BTN1A1: variants seen among roughly 807,000 people sequenced by gnomAD.
The protein encoded by BTN1A1 is bK14H9.2 (butyrophilin, subfamily 1, member A1).
In BTN1A1, 26 loss-of-function variants were observed where a neutral mutation model predicts 33.1. The observed-to-expected ratio is 0.79, with a 90% CI of 0.58 to 1.09. The LOEUF (loss-of-function observed/expected upper bound fraction) is 1.09. Among genes scored for constraint, BTN1A1 ranks in the 50% least tolerant of loss-of-function variants. The pLI is 0.00. For synonymous variants in BTN1A1, 235 were observed against 256.2 expected, an observed-to-expected ratio of 0.92 and a Z score of 0.79; for missense variants, 558 against 655.7, an observed-to-expected ratio of 0.85 and a Z score of 1.63.
intron 4 of BTN1A1, 146 bp downstream of exon 4, chr6:26,505,352 C>T (rs1450580301): frequency 1.4e-6 from 1 of 733,390 alleles, no homozygotes; most frequent in East Asian, 2.6e-5. Flanking sequence ...GGGAACCCCA[C>T]CAACTTTATT....
chr6:26,506,670 G>T lies in BTN1A1; in HGVS notation c.710-13G>T. 1 of 1,612,940 alleles carries T rather than the reference G, an allele frequency of 6.2e-7. No homozygotes were observed. The highest frequency in any genetic ancestry group is 1.1e-5 in the South Asian group (1 of 90,962). On this transcript the variant is annotated splice_polypyrimidine_tract_variant and intron_variant, in intron 4 of 7. Coordinates refer to ENST00000684113, the MANE Select transcript of BTN1A1 (RefSeq NM_001732.3). The stretch of plus-strand genomic sequence containing the variant: ...TTTCTCAACTAATGTCCTTCTTGGG[G>T]ATTTTGTTTTAGCTTCCTCCCTCCC...
chr6:26,501,853 A>C lies in BTN1A1; in HGVS notation c.343A>C (p.Arg115=). 1 of 1,610,756 alleles carries C rather than the reference A, an allele frequency of 6.2e-7. No homozygotes were observed. The highest frequency in any genetic ancestry group is 2.2e-5 in the East Asian group (1 of 44,788). The stretch of plus-strand genomic sequence containing the variant: ...CGTGGCCTTGAGGATCCGTGGCGTC[A>C]GAGTCTCTGACGACGGGGAGTACAC... ...GRVALRIRGV[R]VSDDGEYTCF... Residue 115 remains arginine (R), a synonymous_variant, in exon 3 of 8, where the codon AGA becomes CGA. Transcript: ENST00000684113. This position sits in a 1 kb window ranked among gnomAD's most constrained non-coding sequence, Gnocchi z 5.2.
chr6:26,501,318 G>T lies in BTN1A1; in HGVS notation c.32G>T (p.Arg11Ile). 1.2e-6 allele frequency: 2 copies of T among 1,614,168 alleles called. No individual in the cohort carries two copies. Among genetic ancestry groups the T allele is most frequent in the Admixed American group, 1.7e-5 (1 of 60,020 alleles). Reference protein sequence around the residue: MAVFPSSGLPRCLLTLILLQL... With the variant: MAVFPSSGLPICLLTLILLQL... ...GTTTTCCCAAGCTCCGGTCTCCCCAGATGTCTGCTCACCCTCATTCTCCTC... is the reference window on the plus strand; with the variant it reads ...GTTTTCCCAAGCTCCGGTCTCCCCATATGTCTGCTCACCCTCATTCTCCTC... Residue 11 changes from arginine (R) to isoleucine (I), a missense_variant, in exon 2 of 8, where the codon AGA (arginine) becomes ATA (isoleucine). Arg to Ile is a moderately conservative substitution (Grantham distance 97). Transcript: ENST00000684113. This position sits in a 1 kb window ranked among gnomAD's most constrained non-coding sequence, Gnocchi z 5.2.
At position 26,501,160 on chromosome 6, in the gene BTN1A1, T is replaced by C; in HGVS notation, c.-57-70T>C. 1 of 779,236 alleles carries C rather than the reference T, an allele frequency of 1.3e-6. No individual in the cohort carries two copies. Among genetic ancestry groups the C allele is most frequent in the Non-Finnish European group, 2.2e-6 (1 of 445,004 alleles). 48.3% of individuals were successfully genotyped at this position (779,236 alleles called of 1,614,324 possible). ...CAGAACACTTGCAGCTGGAAAGAACTGTAGAGAGGACTTTGGAAAGCGGAG... is the reference window on the plus strand; with the variant it reads ...CAGAACACTTGCAGCTGGAAAGAACCGTAGAGAGGACTTTGGAAAGCGGAG... On this transcript the variant is annotated intron_variant, in intron 1 of 7. Transcript: ENST00000684113. The surrounding 1 kb of genome is among the most constrained non-coding windows in gnomAD (Gnocchi z 5.2).
intron 4 of BTN1A1, among the ~76,000 whole-genome samples, chr6:26,505,697 A>G (rs1763860176): frequency 6.9e-6 from 1 of 145,838 alleles, no homozygotes; most frequent in Admixed American, 6.8e-5. Context: ...AAGTGCTGGG[A>G]TTATAGGTGT....
At position 26,505,172 on chromosome 6, in the gene BTN1A1, T is replaced by C; in HGVS notation, c.675T>C (p.Leu225=). 6.2e-7 allele frequency: 1 copy of C among 1,613,892 alleles called. No homozygotes were observed. Among genetic ancestry groups the C allele is most frequent in the Non-Finnish European group, 8.5e-7 (1 of 1,179,814 alleles). ...CCTGCTACATCCAGAATCTCCTTCT[T>C]GGCCAGGAGAAGAAAGTAGAAATAT... The part of the protein sequence containing the change: ...NVSCYIQNLL[L]GQEKKVEISI... Residue 225 remains leucine (L), a synonymous_variant, in exon 4 of 8, where the codon CTT becomes CTC. Coordinates refer to ENST00000684113, the MANE Select transcript of BTN1A1 (RefSeq NM_001732.3).
Position 26,506,840 on chromosome 6 carries a change from A to G in BTN1A1, c.859+8A>G. On this transcript the variant is annotated splice_region_variant and intron_variant, in intron 5 of 7. Transcript: ENST00000684113. ...ATGAATTCAGCTCTAAAGGTAAACC[A>G]TAGAATCCACAAGGGCTACGTGTCA... The G allele has an allele frequency of 6.2e-7, 1 of 1,613,976 alleles. No individual in the cohort carries two copies. The highest frequency in any genetic ancestry group is 8.5e-7 in the Non-Finnish European group (1 of 1,179,896).
Position 26,501,583 on chromosome 6 carries a change from T to TC in BTN1A1, c.80-6dup, listed in dbSNP as rs758855526. ...CATCCCGTCTGATCCCGCTCGTTTT[T>TC]CGGCAGCTCCCTTTGACGTGATTGG... On this transcript the variant is annotated splice_region_variant and splice_polypyrimidine_tract_variant and intron_variant, in intron 2 of 7. Transcript: ENST00000684113. The surrounding 1 kb of genome is among the most constrained non-coding windows in gnomAD (Gnocchi z 5.2). 5 of 1,612,126 alleles carry TC rather than the reference T, an allele frequency of 3.1e-6. No individual in the cohort carries two copies. Among genetic ancestry groups the TC allele is most frequent in the Non-Finnish European group, 4.2e-6 (5 of 1,178,652 alleles).
At position 26,509,666 on chromosome 6, in the gene BTN1A1, ACAT is replaced by A; in HGVS notation, c.*493_*495del. ...GGAGGGAAGTGAGGTGAATCCAGGC[ACAT>A]GATGAACACCTGGCTCATCCATAGA... On this transcript the variant is annotated 3_prime_UTR_variant, in exon 8 of 8. Transcript: ENST00000684113. 1.9e-5 allele frequency: 3 copies of A among 157,760 alleles called. No homozygotes were observed. Among genetic ancestry groups the A allele is most frequent in the Non-Finnish European group, 4.2e-5 (3 of 71,564 alleles). 9.8% of individuals were successfully genotyped at this position (157,760 alleles called of 1,614,324 possible). A position where few individuals can be genotyped will look rare whatever the true frequency, so the allele number is the denominator to read the frequency against.
chr6:26,500,591 T>C (rs1191185754), intron 1 of BTN1A1, among the ~76,000 whole-genome samples: 1 of 152,140 alleles, frequency 6.6e-6, no homozygotes, highest in Admixed American at 6.5e-5. Context: ...TTATTATCAT[T>C]GCCAAAAGCA....
In BTN1A1 at chr6:26,508,535, C is replaced by A; in HGVS notation, c.942C>A (p.Pro314=). 6.2e-7 allele frequency: 1 copy of A among 1,613,972 alleles called. No individual in the cohort carries two copies. The highest frequency in any genetic ancestry group is 1.1e-5 in the South Asian group (1 of 91,058). The change falls in exon 8 of 8, where the codon CCC becomes CCA. Residue 314 remains proline (P), a synonymous_variant. Transcript: ENST00000684113. ...DVTLDPDTAH[P]HLFLYEDSKS... The stretch of plus-strand genomic sequence containing the variant: ...CTCTGGACCCAGACACAGCTCATCC[C>A]CACCTCTTTCTTTATGAGGATTCAA...
chr6:26,509,114 G>T lies in BTN1A1; in HGVS notation c.1521G>T (p.Arg507Ser). Residue 507 changes from arginine (R) to serine (S), a missense_variant, in exon 8 of 8, where the codon AGG becomes AGT. By Grantham distance (110) the Arg-to-Ser change is moderately radical. Coordinates refer to ENST00000684113, the MANE Select transcript of BTN1A1 (RefSeq NM_001732.3). ...CCATGGGGGAGGACTCTGCCCCTAG[G>T]GATGCAGACACTCTCCATTCTAAGC... ...LSPMGEDSAP[R>S]DADTLHSKLI... The T allele has an allele frequency of 6.2e-7, 1 of 1,613,976 alleles. No homozygotes were observed. Among genetic ancestry groups the T allele is most frequent in the Middle Eastern group, 1.7e-4 (1 of 6,050 alleles).
chr6:26,508,640 C>T lies in BTN1A1; in HGVS notation c.1047C>T (p.Gly349=), dbSNP rs761702210. 2.5e-5 allele frequency: 40 copies of T among 1,614,022 alleles called. 2 individuals are homozygous for T. The Middle Eastern group carries it at 9.9e-4, about 40-fold the overall frequency. The change falls in exon 8 of 8, where the codon GGC becomes GGT. Residue 349 remains glycine, a synonymous_variant. Coordinates refer to ENST00000684113, the MANE Select transcript of BTN1A1 (RefSeq NM_001732.3). ...TTGACTCCTGGCCCTGTGTGTTGGG[C>T]CGTGAGACCTTCACCTCAGGAAGGC... The part of the protein sequence containing the change: ...ERFDSWPCVL[G]RETFTSGRHY...
rs745738282 is a variant in BTN1A1, at chr6:26,509,184, C to G, written c.*10C>G. 9 of 1,595,008 alleles carry G rather than the reference C, an allele frequency of 5.6e-6. No homozygotes were observed. In the Admixed American group the frequency reaches 1.0e-4, roughly 18 times the overall value. ...CCAAGGGGCACCTTAAGGAATATCTCAGCTCATCTGTTTTCCTTTCCTCTA... is the reference window on the plus strand; with the variant it reads ...CCAAGGGGCACCTTAAGGAATATCTGAGCTCATCTGTTTTCCTTTCCTCTA... On this transcript the variant is annotated 3_prime_UTR_variant, in exon 8 of 8. Transcript: ENST00000684113.
chr6:26,509,042 A>G lies in BTN1A1; in HGVS notation c.1449A>G (p.Thr483=), dbSNP rs1561885796. 6.2e-7 allele frequency: 1 copy of G among 1,614,092 alleles called. No homozygotes were observed. Among genetic ancestry groups the G allele is most frequent in the African/African-American group, 1.3e-5 (1 of 74,938 alleles). ...CPIADGPERV[T]VIANAQDLSK... is the part of the protein sequence containing the mutation. Reference sequence around the variant, plus strand: ...TTGCTGATGGGCCTGAGAGGGTCACAGTCATTGCTAATGCCCAGGACCTTT... The same window carrying G: ...TTGCTGATGGGCCTGAGAGGGTCACGGTCATTGCTAATGCCCAGGACCTTT... Residue 483 remains threonine (T), a synonymous_variant, in exon 8 of 8, where the codon ACA becomes ACG. Coordinates refer to ENST00000684113, the MANE Select transcript of BTN1A1 (RefSeq NM_001732.3).
rs1379916776 is a variant in BTN1A1, at chr6:26,508,073, C to T, written c.893C>T (p.Ala298Val). 5 of 1,612,378 alleles carry T rather than the reference C, an allele frequency of 3.1e-6. No homozygotes were observed. The African/African-American group carries it at 5.4e-5, about 17-fold the overall frequency. Residue 298 changes from alanine to valine, a missense_variant, in exon 7 of 8, where the codon GCT becomes GTT. By Grantham distance (64) the Ala-to-Val change is moderately conservative (BLOSUM62 0). Coordinates refer to ENST00000684113, the MANE Select transcript of BTN1A1 (RefSeq NM_001732.3). ...RLLEELKWKK[A>V]TLHAVDVTLD... ...TCTTTTGTTGCAGAATGGAAAAAGGCTACCTTGCATGCAGGTCAGTGGCTC... is the reference window on the plus strand; with the variant it reads ...TCTTTTGTTGCAGAATGGAAAAAGGTTACCTTGCATGCAGGTCAGTGGCTC...
At position 26,501,746 on chromosome 6, in the gene BTN1A1, A is replaced by G. The variant is rs1350942277; in HGVS notation, c.236A>G (p.Asp79Gly). 1.2e-6 allele frequency: 2 copies of G among 1,613,612 alleles called. No homozygotes were observed. The highest frequency in any genetic ancestry group is 1.7e-6 in the Non-Finnish European group (2 of 1,179,974). Residue 79 changes from aspartate (D) to glycine (G), a missense_variant, in exon 3 of 8, where the codon GAC (aspartate) becomes GGC (glycine). Physicochemically the swap from Asp to Gly is moderately conservative, Grantham distance 94. Coordinates refer to ENST00000684113, the MANE Select transcript of BTN1A1 (RefSeq NM_001732.3). The surrounding 1 kb of genome is among the most constrained non-coding windows in gnomAD (Gnocchi z 5.2). ...KVSPAVLVHR[D>G]GREQEAEQMP... The stretch of plus-strand genomic sequence containing the variant: ...TCGCCGGCCGTGCTGGTGCATAGGG[A>G]CGGGCGCGAGCAGGAAGCCGAGCAG...
intron 4 of BTN1A1, among the ~76,000 whole-genome samples, chr6:26,505,613 G>A (rs1763859428): frequency 1.3e-5 from 2 of 152,014 alleles, no homozygotes; most frequent in African/African-American, 4.8e-5. Flanking sequence ...TTTAGCGAAG[G>A]CAGGGTTTCA....
In BTN1A1 at chr6:26,501,325, G is replaced by C; in HGVS notation, c.39G>C (p.Leu13=). ...CAAGCTCCGGTCTCCCCAGATGTCT[G>C]CTCACCCTCATTCTCCTCCAGCTGC... ...VFPSSGLPRC[L]LTLILLQLPK... The change falls in exon 2 of 8, where the codon CTG becomes CTC. Residue 13 remains leucine (L), a synonymous_variant. Transcript: ENST00000684113. The surrounding 1 kb of genome is among the most constrained non-coding windows in gnomAD (Gnocchi z 5.2). 1 of 1,614,126 alleles carries C rather than the reference G, an allele frequency of 6.2e-7. No individual in the cohort carries two copies.
Sources: allele counts gnomAD v4.1 joint callset (sites outside exome capture counted in the v4.1 genomes callset), GRCh38; gene constraint gnomAD v4.1.1; non-coding constraint Gnocchi (gnomAD v3.1); transcripts MANE v1.5; gene names NCBI Gene and HGNC (gene_info 2026-07-23, HGNC 2026-07-21).